The following BACH2 variants were observed in gnomAD, a reference collection of about 807,000 sequenced individuals.
BACH2 encodes the protein BACH transcriptional regulator 2.
In BACH2, 5 loss-of-function variants were observed where a neutral mutation model predicts 61.8. That is an observed-to-expected ratio of 0.08 (90% CI 0.04 to 0.17). BACH2 has a LOEUF of 0.17. BACH2 is among the 10% of genes least tolerant of loss of function. The pLI is 1.00. For synonymous variants in BACH2, 446 were observed against 440.1 expected (o/e 1.01, Z -0.17); for missense variants, 824 against 1,091.1 (o/e 0.76, Z 3.45).
chr6:90,088,368 A>G (rs1276483658), intron 5 of BACH2, among the ~76,000 whole-genome samples: 4 of 152,142 alleles, frequency 2.6e-5, no homozygotes, highest in Non-Finnish European at 4.4e-5. Flanking sequence ...CTTGTTGAAA[A>G]CCAGGGGCAA....
At chr6:90,250,539 G>C (rs12196578) in intron 3 of BACH2, among the ~76,000 whole-genome samples, 7,757 of 152,236 alleles carry the variant, frequency 0.051, 248 homozygotes, top group Admixed American at 0.093. Context: ...ATTGAGCCCT[G>C]TTATGGGCCA....
At chr6:90,124,850 C>T (rs1783781234) in intron 4 of BACH2, among the ~76,000 whole-genome samples, 1 of 152,204 alleles carries the variant, frequency 6.6e-6, no homozygotes, top group Non-Finnish European at 1.5e-5. Context: ...AATGCCAGAA[C>T]ACCAGCAAGA....
At chr6:90,033,080 C>T (rs1330596310) in intron 5 of BACH2, among the ~76,000 whole-genome samples, 1 of 149,034 alleles carries the variant, frequency 6.7e-6, no homozygotes, top group Non-Finnish European at 1.5e-5. Context: ...AGCTGGAAAC[C>T]ATCATTCTCA....
chr6:89,951,147 G>C lies in BACH2; in HGVS notation c.959C>G (p.Pro320Arg), dbSNP rs762984505. 31 of 1,612,436 alleles carry C rather than the reference G, an allele frequency of 1.9e-5. No homozygotes were observed. The highest frequency in any genetic ancestry group is 2.7e-5 in the African/African-American group (2 of 74,888). ...DRKQPSPAPT[P>R]TAPAGAACLE... The stretch of plus-strand genomic sequence containing the variant: ...GCAGGCGGCCCCAGCTGGGGCCGTG[G>C]GGGTAGGGGCAGGGCTGGGCTGTTT... Residue 320 changes from proline to arginine, a missense_variant, in exon 7 of 9, where the codon CCC becomes CGC. Physicochemically the swap from Pro to Arg is moderately radical, Grantham distance 103. This residue lies in a region of BACH2 where 226 missense variants were observed against 228.5 expected (regional missense o/e 0.99). Coordinates refer to ENST00000257749, the MANE Select transcript of BACH2 (RefSeq NM_021813.4). This position sits in a 1 kb window ranked among gnomAD's most constrained non-coding sequence, Gnocchi z 6.4.
At chr6:90,039,722 T>C in intron 5 of BACH2, among the ~76,000 whole-genome samples, 1 of 152,188 alleles carries the variant, frequency 6.6e-6, no homozygotes, top group African/African-American at 2.4e-5. Context: ...TAATAGATTA[T>C]ATTACCAAAC....
intron 3 of BACH2, among the ~76,000 whole-genome samples, chr6:90,244,232 C>T (rs1364957896): frequency 1.3e-5 from 2 of 152,104 alleles, no homozygotes; most frequent in African/African-American, 2.4e-5. Context: ...ATTTATAGGA[C>T]ATTTAAAAAG....
intron 4 of BACH2, among the ~76,000 whole-genome samples, chr6:90,109,961 C>T (rs1327606247): frequency 6.6e-6 from 1 of 152,032 alleles, no homozygotes; most frequent in South Asian, 2.1e-4. Flanking sequence ...ATTTGAAATA[C>T]AATAAAACAT....
At chr6:90,066,738 C>T (rs959858317) in intron 5 of BACH2, among the ~76,000 whole-genome samples, 5 of 152,190 alleles carry the variant, frequency 3.3e-5, no homozygotes, top group Admixed American at 2.6e-4. Context: ...ATCTATGTTA[C>T]ATTTGGAACC....
At chr6:90,168,751 T>C (rs1767713477) in intron 4 of BACH2, among the ~76,000 whole-genome samples, 1 of 152,220 alleles carries the variant, frequency 6.6e-6, no homozygotes, top group Non-Finnish European at 1.5e-5. Flanking sequence ...ACTATTTCCT[T>C]CTCAAGTAAC....
chr6:90,140,353 G>A (rs1388614821), intron 4 of BACH2, among the ~76,000 whole-genome samples: 1 of 152,094 alleles, frequency 6.6e-6, no homozygotes, highest in Non-Finnish European at 1.5e-5. Flanking sequence ...TGAAGGCTTT[G>A]CAAGCTTCCT....
chr6:90,212,752 G>A (rs1186804330), intron 3 of BACH2, among the ~76,000 whole-genome samples: 2 of 152,160 alleles, frequency 1.3e-5, no homozygotes, highest in African/African-American at 2.4e-5. Context: ...ATAAAGAGGA[G>A]GAAACAAGAG....
At chr6:90,107,449 T>G (rs1782973657) in intron 4 of BACH2, among the ~76,000 whole-genome samples, 1 of 152,090 alleles carries the variant, frequency 6.6e-6, no homozygotes, top group Non-Finnish European at 1.5e-5. Context: ...AATATATCTA[T>G]CAAATGTGAT....
At chr6:90,095,678 T>C (rs1347190364) in intron 4 of BACH2, among the ~76,000 whole-genome samples, 1 of 152,162 alleles carries the variant, frequency 6.6e-6, no homozygotes, top group Non-Finnish European at 1.5e-5. Context: ...AAGTACATAA[T>C]TTGAAATAAT....
intron 5 of BACH2, among the ~76,000 whole-genome samples, chr6:90,056,744 TAGA>T (rs1010646833): frequency 1.4e-4 from 21 of 152,176 alleles, no homozygotes; most frequent in Non-Finnish European, 2.5e-4. Flanking sequence ...TCAGCAAATG[TAGA>T]AGAACAGAAA....
At chr6:89,936,876 C>G (rs1773059235) in intron 8 of BACH2, among the ~76,000 whole-genome samples, 1 of 152,140 alleles carries the variant, frequency 6.6e-6, no homozygotes, top group Admixed American at 6.5e-5. Flanking sequence ...AGGAGCCACA[C>G]TTAGATCATG....
At chr6:90,223,804 A>G (rs1343934065) in intron 3 of BACH2, among the ~76,000 whole-genome samples, 1 of 152,140 alleles carries the variant, frequency 6.6e-6, no homozygotes, top group African/African-American at 2.4e-5. Context: ...GATCCAGAAT[A>G]TGATTTACTT....
At position 89,926,855 on chromosome 6, in the gene BACH2, T is replaced by C. The variant is rs1480674509; in HGVS notation, c.*5553A>G. 1 of 152,800 alleles carries C rather than the reference T, an allele frequency of 6.5e-6. No individual in the cohort carries two copies. The highest frequency in any genetic ancestry group is 2.4e-5 in the African/African-American group (1 of 41,450). The allele number at this position is 152,800 out of a possible 1,614,324, so 9.5% of individuals were successfully genotyped here. On this transcript the variant is annotated 3_prime_UTR_variant, in exon 9 of 9. Coordinates refer to ENST00000257749, the MANE Select transcript of BACH2 (RefSeq NM_021813.4). ...AAATGATGCATTGAATTAAATTACA[T>C]TAATCGCATAGAATCTGTGTAAAAA...
intron 4 of BACH2, among the ~76,000 whole-genome samples, chr6:90,187,991 A>G (rs1768419711): frequency 6.6e-6 from 1 of 152,170 alleles, no homozygotes; most frequent in Non-Finnish European, 1.5e-5. Context: ...GGAAAATCAC[A>G]AAGTTCAGAA....
chr6:90,093,786 T>C (rs886126058), intron 4 of BACH2, among the ~76,000 whole-genome samples: 1 of 152,206 alleles, frequency 6.6e-6, no homozygotes, highest in Non-Finnish European at 1.5e-5. Context: ...CCATGGACAC[T>C]TCCTGCCTTG....
Sources: allele counts gnomAD v4.1 joint callset (sites outside exome capture counted in the v4.1 genomes callset), GRCh38; gene constraint gnomAD v4.1.1; regional missense constraint gnomAD v4.1.1; non-coding constraint Gnocchi (gnomAD v3.1); transcripts MANE v1.5; gene names NCBI Gene and HGNC (gene_info 2026-07-23, HGNC 2026-07-21).